Variants in ABI3BP observed in about 807,000 individuals in gnomAD.
The protein encoded by ABI3BP is target of Nesh-SH3.
In ABI3BP, 216 loss-of-function variants were observed where a neutral mutation model predicts 268.6. The ratio of observed to expected loss-of-function variants is 0.80; its 90% CI spans 0.72 to 0.90. ABI3BP has a LOEUF of 0.90. Among genes scored for constraint, ABI3BP ranks in the 40% least tolerant of loss-of-function variants. ABI3BP has a pLI of 0.00. For synonymous variants in ABI3BP, 730 were observed against 730.0 expected (o/e 1.00, Z 0.00); for missense variants, 2,090 against 2,182.4 (o/e 0.96, Z 0.84).
intron 53 of ABI3BP, among the ~76,000 whole-genome samples, 195 bp from the exon 54 acceptor site, chr3:100,795,198 T>C (rs2097308135): frequency 6.6e-6 from 1 of 152,062 alleles, no homozygotes; most frequent in Non-Finnish European, 1.5e-5. Flanking sequence ...CCAGGACACA[T>C]ACTACATGAC....
chr3:100,977,284 T>C (rs2086721775), intron 1 of ABI3BP, among the ~76,000 whole-genome samples: 1 of 152,238 alleles, frequency 6.6e-6, no homozygotes, highest in Non-Finnish European at 1.5e-5. Context: ...TGCTATATAA[T>C]AAATTAACCC....
At position 100,886,176 on chromosome 3, in the gene ABI3BP, C is replaced by A. The variant is rs2041909059; in HGVS notation, c.609G>T (p.Trp203Cys). The change falls in exon 5 of 68, where the codon TGG becomes TGT. Residue 203 changes from tryptophan to cysteine, a missense_variant. By Grantham distance (215) the Trp-to-Cys change is radical. Transcript: ENST00000471714. ...CAGTCTTGTGATTGAAAATCTTACT[C>A]CAAATTCCACCTTCCACATTGTCTT... ...GVKDNVEGGI[W>C]SKIFNHKTVV... The A allele has an allele frequency of 6.2e-7, 1 of 1,601,402 alleles. No individual in the cohort carries two copies. The highest frequency in any genetic ancestry group is 1.3e-5 in the African/African-American group (1 of 74,306).
intron 1 of ABI3BP, among the ~76,000 whole-genome samples, chr3:100,940,809 T>TTC (rs2068730653): frequency 1.5e-5 from 1 of 66,336 alleles, no homozygotes; most frequent in Non-Finnish European, 3.0e-5. Flanking sequence ...TATATATATA[T>TTC]ATATATATAT....
At chr3:100,887,260 T>G (rs2042397493) in intron 4 of ABI3BP, among the ~76,000 whole-genome samples, 1 of 152,056 alleles carries the variant, frequency 6.6e-6, no homozygotes, top group Admixed American at 6.6e-5. Flanking sequence ...TATACAGTAA[T>G]GAGAGTGAAT....
chr3:100,764,293 A>T (rs2096147138), intron 63 of ABI3BP, among the ~76,000 whole-genome samples: 1 of 152,236 alleles, frequency 6.6e-6, no homozygotes, highest in Admixed American at 6.5e-5. Flanking sequence ...CACCTTGGGC[A>T]TGCTTCATTC....
chr3:100,971,681 A>G (rs775567498), intron 1 of ABI3BP, among the ~76,000 whole-genome samples: 3 of 152,182 alleles, frequency 2.0e-5, no homozygotes, highest in Admixed American at 6.5e-5. Context: ...AATGCCTTAC[A>G]TGGGATTATA....
intron 4 of ABI3BP, among the ~76,000 whole-genome samples, chr3:100,891,769 A>G (rs977002454): frequency 6.6e-6 from 1 of 152,206 alleles, no homozygotes; most frequent in African/African-American, 2.4e-5. Context: ...ATTCACTTAT[A>G]TGTTGAGAAC....
At chr3:100,988,671 A>G (rs1443983364) in intron 1 of ABI3BP, among the ~76,000 whole-genome samples, 3 of 152,016 alleles carry the variant, frequency 2.0e-5, no homozygotes, top group African/African-American at 4.8e-5. Context: ...ACCCCTCTCT[A>G]TTGTAATTAT....
intron 34 of ABI3BP, among the ~76,000 whole-genome samples, chr3:100,827,921 C>T (rs937192780): frequency 6.6e-6 from 1 of 151,856 alleles, no homozygotes; most frequent in African/African-American, 2.4e-5. Context: ...TTGATTAATT[C>T]ACTAAAAATA....
chr3:100,978,781 G>C (rs1401912804), intron 1 of ABI3BP, among the ~76,000 whole-genome samples: 1 of 152,168 alleles, frequency 6.6e-6, no homozygotes, highest in Admixed American at 6.5e-5. Context: ...TAGTACCCGA[G>C]TGCTTTGTAC....
intron 2 of ABI3BP, among the ~76,000 whole-genome samples, chr3:100,907,644 G>A (rs1304328842): frequency 6.6e-6 from 1 of 152,090 alleles, no homozygotes. Context: ...TTTACAGCAA[G>A]CATCACAAGT....
chr3:100,851,874 C>A lies in ABI3BP; in HGVS notation c.1351+1G>T. On this transcript the variant is annotated splice_donor_variant, in intron 15 of 67. Transcript: ENST00000471714. LOFTEE classifies it high-confidence loss of function. ...AGACAGAATTGAGAGGCCAGATATA[C>A]CTGTGTAGGAATCTGATATCTCAGG... 1 of 1,591,054 alleles carries A rather than the reference C, an allele frequency of 6.3e-7. No individual in the cohort carries two copies.
At chr3:100,930,540 C>A (rs1434894656) in intron 1 of ABI3BP, among the ~76,000 whole-genome samples, 2 of 151,744 alleles carry the variant, frequency 1.3e-5, no homozygotes, top group Admixed American at 1.3e-4. Flanking sequence ...CACAGAAATC[C>A]AAAAAACCCT....
At position 100,816,739 on chromosome 3, in the gene ABI3BP, G is replaced by C; in HGVS notation, c.3178C>G (p.Arg1060Gly). Residue 1060 changes from arginine to glycine, a missense_variant, in exon 43 of 68, where the codon CGT (arginine) becomes GGT (glycine). Coordinates refer to ENST00000471714, the MANE Select transcript of ABI3BP (RefSeq NM_001375547.2). ...CTTGATGTAGTTTTGGGTCTGGGAC[G>C]GGGACGACGTGTCCGTTGTGTTTTA... ...APKTQRTRRP[R>G]PRPKTTSSPE... 1 of 1,535,766 alleles carries C rather than the reference G, an allele frequency of 6.5e-7. No individual in the cohort carries two copies. The highest frequency in any genetic ancestry group is 8.7e-7 in the Non-Finnish European group (1 of 1,146,652).
chr3:100,972,271 C>A (rs190650865), intron 1 of ABI3BP, among the ~76,000 whole-genome samples: 11 of 152,222 alleles, frequency 7.2e-5, no homozygotes, highest in Admixed American at 7.2e-4. Context: ...ATGTGAAAAA[C>A]CCCTCTGTAC....
At chr3:100,914,293 C>A in intron 2 of ABI3BP, 1 of 269,166 alleles carries the variant, frequency 3.7e-6, no homozygotes, top group Non-Finnish European at 7.8e-6. Context: ...GAATAATGAA[C>A]CCACACCCAG....
At chr3:100,784,828 C>A (rs185610727) in intron 57 of ABI3BP, among the ~76,000 whole-genome samples, 1 of 152,170 alleles carries the variant, frequency 6.6e-6, no homozygotes, top group African/African-American at 2.4e-5. Flanking sequence ...GGGAGGTAAG[C>A]TGTAAGTACA....
intron 38 of ABI3BP, among the ~76,000 whole-genome samples, chr3:100,821,877 A>C (rs1009311472): frequency 6.6e-6 from 1 of 152,050 alleles, no homozygotes; most frequent in Non-Finnish European, 1.5e-5. Context: ...CTAGGATTAC[A>C]GGTGTGAGCC....
At chr3:100,755,793 C>T (rs780195183) in intron 63 of ABI3BP, among the ~76,000 whole-genome samples, 21 of 152,182 alleles carry the variant, frequency 1.4e-4, no homozygotes, top group Non-Finnish European at 2.4e-4. Context: ...CAAAAGTCAA[C>T]CTGAGTCAGC....
Sources: gnomAD v4.1 joint callset for allele counts (sites outside exome capture counted in the v4.1 genomes callset) on GRCh38, gnomAD v4.1.1 for gene constraint, MANE v1.5 for transcripts, NCBI Gene and HGNC (gene_info 2026-07-23, HGNC 2026-07-21) for gene names.